Variants in USH2A observed in about 807,000 individuals in gnomAD.
USH2A encodes the protein Usher syndrome 2A (autosomal recessive, mild).
A neutral mutation model predicts 538.9 loss-of-function variants in USH2A; 443 were observed. That is an observed-to-expected ratio of 0.82 (90% CI 0.76 to 0.89). USH2A has a LOEUF of 0.89. Ranked by LOEUF, USH2A falls within the 40% of genes least tolerant of loss-of-function variation. The pLI, the probability that USH2A is intolerant of heterozygous loss-of-function variation, is 0.00. For synonymous variants in USH2A, 2,413 were observed against 2,273.5 expected (o/e 1.06, Z -1.75); for missense variants, 6,633 against 6,324.8 (o/e 1.05, Z -1.65).
At chr1:215,996,776 A>C (rs1415862747) in intron 34 of USH2A, among the ~76,000 whole-genome samples, 1 of 151,878 alleles carries the variant, frequency 6.6e-6, no homozygotes, top group East Asian at 1.9e-4. Context: ...GAAACTGCAG[A>C]TCAAATTTTG....
chr1:216,072,738 C>T, intron 29 of USH2A, 151 bp downstream of exon 29: 4 of 739,412 alleles, frequency 5.4e-6, no homozygotes, highest in South Asian at 3.0e-5. Context: ...GCATTTTAGC[C>T]ATTGACAGAT....
chr1:216,108,157 T>C (rs777893496), intron 21 of USH2A, among the ~76,000 whole-genome samples: 15 of 151,900 alleles, frequency 9.9e-5, no homozygotes, highest in Non-Finnish European at 1.5e-4. Flanking sequence ...CTTCTTGTAA[T>C]GCAAGACTAT....
intron 21 of USH2A, among the ~76,000 whole-genome samples, chr1:216,120,354 G>A (rs1164431726): frequency 1.4e-5 from 2 of 143,828 alleles, no homozygotes; most frequent in East Asian, 2.4e-4. Flanking sequence ...GGCCAACACG[G>A]TGAAACCCCG....
chr1:216,363,633 A>G (rs1300310522), intron 4 of USH2A, among the ~76,000 whole-genome samples: 1 of 152,078 alleles, frequency 6.6e-6, no homozygotes, highest in Admixed American at 6.6e-5. Flanking sequence ...ATATATATAT[A>G]ATATTTTCCA....
chr1:215,736,649 C>G (rs1241026590), intron 60 of USH2A, among the ~76,000 whole-genome samples: 4 of 151,308 alleles, frequency 2.6e-5, no homozygotes, highest in African/African-American at 9.7e-5. Context: ...AGAATATAGA[C>G]AATAAGAAAT....
At chr1:216,146,637 C>A (rs1313374769) in intron 21 of USH2A, among the ~76,000 whole-genome samples, 1 of 152,012 alleles carries the variant, frequency 6.6e-6, no homozygotes, top group East Asian at 1.9e-4. Flanking sequence ...CCTCTTATCT[C>A]TGTGCCCCAA....
intron 11 of USH2A, among the ~76,000 whole-genome samples, chr1:216,251,826 C>T (rs1257590243): frequency 6.6e-6 from 1 of 152,062 alleles, no homozygotes; most frequent in Admixed American, 6.6e-5. Context: ...AAGGGAGAAT[C>T]TTTCTATAAT....
At chr1:216,119,288 G>C (rs1483839955) in intron 21 of USH2A, among the ~76,000 whole-genome samples, 3 of 152,016 alleles carry the variant, frequency 2.0e-5, no homozygotes, top group East Asian at 3.9e-4. Context: ...TAAAACATTA[G>C]AGGTAAATGA....
rs2102796558 is a variant in USH2A at position 215,817,175 on chromosome 1, A to AC, written c.9391dup (p.Val3131GlyfsTer14). On this transcript the variant is annotated frameshift_variant, in exon 48 of 72. Transcript: ENST00000307340. LOFTEE classifies it high-confidence loss of function. ...GATGCCATTTGGCTTCCGTGGAGAC[A>AC]CCCAATCAATTTGAAGAGATCTGCA... The AC allele has an allele frequency of 3.1e-6, 5 of 1,612,314 alleles. No individual in the cohort carries two copies. The highest frequency in any genetic ancestry group is 4.2e-6 in the Non-Finnish European group (5 of 1,178,720).
At chr1:216,259,846 A>T (rs1316729993) in intron 11 of USH2A, among the ~76,000 whole-genome samples, 1 of 152,084 alleles carries the variant, frequency 6.6e-6, no homozygotes, top group Non-Finnish European at 1.5e-5. Flanking sequence ...TAAAACCCAT[A>T]ATTTTAATGA....
chr1:216,284,245 A>G (rs1007910924), intron 11 of USH2A, among the ~76,000 whole-genome samples: 1 of 152,122 alleles, frequency 6.6e-6, no homozygotes, highest in African/African-American at 2.4e-5. Flanking sequence ...CTCATCTTGA[A>G]TTGTAGTTCC....
At chr1:216,104,968 A>G (rs1014605096) in intron 21 of USH2A, among the ~76,000 whole-genome samples, 1 of 152,196 alleles carries the variant, frequency 6.6e-6, no homozygotes, top group African/African-American at 2.4e-5. Flanking sequence ...TACAAGAAAG[A>G]AACAAACAAC....
intron 32 of USH2A, among the ~76,000 whole-genome samples, chr1:216,030,181 A>G (rs1167256714): frequency 7.0e-6 from 1 of 142,170 alleles, no homozygotes; most frequent in Admixed American, 7.3e-5. Flanking sequence ...CAGATATATA[A>G]TATATATGAT....
chr1:216,119,894 A>T (rs901008584), intron 21 of USH2A, among the ~76,000 whole-genome samples: 1 of 152,148 alleles, frequency 6.6e-6, no homozygotes, highest in African/African-American at 2.4e-5. Context: ...CTCTTCTCCC[A>T]GATGGTTATT....
intron 55 of USH2A, among the ~76,000 whole-genome samples, chr1:215,772,999 C>T (rs188113264): frequency 6.6e-5 from 10 of 152,302 alleles, no homozygotes; most frequent in East Asian, 1.9e-4. Flanking sequence ...TCTGGCCCCT[C>T]GGCTGCTCAC....
intron 21 of USH2A, among the ~76,000 whole-genome samples, chr1:216,167,593 C>T (rs1460280873): frequency 6.6e-6 from 1 of 152,078 alleles, no homozygotes; most frequent in Non-Finnish European, 1.5e-5. Context: ...GGACAGCCCA[C>T]CCCAAGGGAA....
At position 215,741,521 on chromosome 1, in the gene USH2A, G is replaced by T; in HGVS notation, c.11565C>A (p.Ser3855Arg). The T allele has an allele frequency of 6.2e-7, 1 of 1,611,870 alleles. No individual in the cohort carries two copies. Among genetic ancestry groups the T allele is most frequent in the Non-Finnish European group, 8.5e-7 (1 of 1,179,516 alleles). Residue 3855 changes from serine to arginine, a missense_variant, in exon 60 of 72, where the codon AGC becomes AGA. Transcript: ENST00000307340. ...QACQNGSCGV[S>R]SRMFVKTPEA... The stretch of plus-strand genomic sequence containing the variant: ...CAGGTGTTTTGACAAACATCCTACT[G>T]CTAACTCCACAACTTCCTTGAAAAA...
chr1:215,897,664 G>A (rs1665383122), intron 40 of USH2A, among the ~76,000 whole-genome samples: 1 of 151,824 alleles, frequency 6.6e-6, no homozygotes, highest in Non-Finnish European at 1.5e-5. Context: ...ACTCCAGCCT[G>A]GGCGATAGAG....
intron 19 of USH2A, among the ~76,000 whole-genome samples, chr1:216,192,670 C>T (rs770029808): frequency 6.6e-6 from 1 of 151,876 alleles, no homozygotes; most frequent in Admixed American, 6.6e-5. Flanking sequence ...CCACTGCACT[C>T]AAGCCTGGGT....
Sources: gnomAD v4.1 joint callset for allele counts (sites outside exome capture counted in the v4.1 genomes callset) on GRCh38, gnomAD v4.1.1 for gene constraint, MANE v1.5 for transcripts, NCBI Gene and HGNC (gene_info 2026-07-23, HGNC 2026-07-21) for gene names.